ZNF816: variants seen among roughly 807,000 people sequenced by gnomAD.
ZNF816 encodes zinc finger protein 816, also known as zinc finger protein 816A.
In ZNF816, 11 loss-of-function variants were observed where a neutral mutation model predicts 8.3. The ratio of observed to expected loss-of-function variants is 1.32; its 90% confidence interval spans 0.83 to 2.19. ZNF816 has a LOEUF of 2.19. ZNF816 is among the 30% of genes most tolerant of loss of function. The pLI is 0.00. For missense variants in ZNF816, 710 were observed against 779.3 expected (o/e 0.91, Z 1.06); for synonymous variants, 255 against 254.5 (o/e 1.00, Z -0.02).
At position 52,962,861 on chromosome 19, in the gene ZNF816, G is replaced by C. The variant is rs968306852; in HGVS notation, c.-150C>G. On this transcript the variant is annotated 5_prime_UTR_variant, in exon 1 of 4. Coordinates refer to ENST00000444460, the MANE Select transcript of ZNF816 (RefSeq NM_001202457.3). ...CGCCGCCGTGCAACTTTCAGTCCAC[G>C]CCATCCGCTTCCGGGTCTGTGCCAA... The C allele has an allele frequency of 6.5e-6, 1 of 152,734 alleles. No individual in the cohort carries two copies. Among genetic ancestry groups the C allele is most frequent in the African/African-American group, 2.4e-5 (1 of 41,456 alleles). The allele number at this position is 152,734 out of a possible 1,614,324, so 9.5% of individuals were successfully genotyped here. A position where few individuals can be genotyped will look rare whatever the true frequency, so the allele number is the denominator to read the frequency against.
intron 1 of ZNF816, among the ~76,000 whole-genome samples, chr19:52,956,745 C>A (rs370439564): frequency 1.3e-5 from 2 of 152,192 alleles, no homozygotes; most frequent in Non-Finnish European, 2.9e-5. Flanking sequence ...ACCACCACTT[C>A]TCCTGCTGCC....
At chr19:52,952,555 T>C in intron 3 of ZNF816, 196 bp downstream of exon 3, 1 of 1,034,108 alleles carries the variant, frequency 9.7e-7, no homozygotes, top group South Asian at 1.7e-5. Context: ...GAATTTTCTG[T>C]TTTTATGTAA....
Position 52,956,105 on chromosome 19 carries a change from C to T in ZNF816, c.-15-1G>A. On this transcript the variant is annotated splice_acceptor_variant, in intron 1 of 3. Transcript: ENST00000444460. LOFTEE classifies it low-confidence loss of function (5UTR_SPLICE). ...CACGTAACATGAGTCTTTGGAAATC[C>T]TGTATGTTAAAAAAGCAAGAGATTT... is the stretch of plus-strand genomic sequence containing the variant. 6.2e-7 allele frequency: 1 copy of T among 1,600,818 alleles called. No homozygotes were observed. The highest frequency in any genetic ancestry group is 1.4e-5 in the African/African-American group (1 of 73,484).
At chr19:52,954,543 A>C (rs1274429053) in intron 2 of ZNF816, among the ~76,000 whole-genome samples, 1 of 151,676 alleles carries the variant, frequency 6.6e-6, no homozygotes, top group African/African-American at 2.4e-5. Flanking sequence ...AACATTCATC[A>C]GACCGGGAGC....
chr19:52,953,250 A>T, intron 2 of ZNF816: 1 of 263,552 alleles, frequency 3.8e-6, no homozygotes, highest in South Asian at 3.0e-5. Flanking sequence ...AAAAAAAACC[A>T]GGTGTGGTGG....
At chr19:52,959,252 GCTAGA>G (rs1157890698) in intron 1 of ZNF816, among the ~76,000 whole-genome samples, 2 of 152,254 alleles carry the variant, frequency 1.3e-5, no homozygotes, top group African/African-American at 4.8e-5. Flanking sequence ...GCTAATGAAT[GCTAGA>G]CTAAACAAGT....
intron 3 of ZNF816, chr19:52,951,908 A>T (rs2083463825): frequency 2.4e-6 from 1 of 419,460 alleles, no homozygotes. Flanking sequence ...AGAAAAAAAA[A>T]AGAGTTCAGT....
At position 52,950,630 on chromosome 19, in the gene ZNF816, G is replaced by A. The variant is rs142612844; in HGVS notation, c.1145C>T (p.Ser382Leu). The change falls in exon 4 of 4, where the codon TCA becomes TTA. Residue 382 changes from serine to leucine, a missense_variant. By Grantham distance (145) the Ser-to-Leu change is moderately radical. Transcript: ENST00000444460. Reference protein sequence around the residue: ...NECGKTFSQKSSLQCHHILHT... With the variant: ...NECGKTFSQKLSLQCHHILHT... ...AAGTATATGATGGCATTGAAGGGATGATTTCTGACTGAAGGTCTTGCCACA... is the reference window on the plus strand; with the variant it reads ...AAGTATATGATGGCATTGAAGGGATAATTTCTGACTGAAGGTCTTGCCACA... 3.4e-3 allele frequency: 5,520 copies of A among 1,614,144 alleles called. 15 individuals carry two copies. Among genetic ancestry groups the A allele is most frequent in the Non-Finnish European group, 3.7e-3 (4,373 of 1,180,032 alleles).
Position 52,951,155 on chromosome 19 carries a change from T to C in ZNF816, c.620A>G (p.Tyr207Cys), listed in dbSNP as rs755043119. The C allele has an allele frequency of 1.2e-6, 2 of 1,614,184 alleles. No individual in the cohort carries two copies. The highest frequency in any genetic ancestry group is 2.2e-5 in the South Asian group (2 of 91,086). The change falls in exon 4 of 4, where the codon TAT becomes TGT. Residue 207 changes from tyrosine to cysteine, a missense_variant. By Grantham distance (194) the Tyr-to-Cys change is radical. Coordinates refer to ENST00000444460, the MANE Select transcript of ZNF816 (RefSeq NM_001202457.3). ...TGAAGAATGGAGGAAATTCTTCCCA[T>C]ACTTATTAGAAATATGAGTTTTGAG... ...CRLKTHISNK[Y>C]GKNFLHSSFT...
chr19:52,957,016 T>C lies in ZNF816; in HGVS notation c.-15-912A>G, dbSNP rs2083516353. Among the ~76,000 whole-genome samples, 1 of 152,198 alleles carries C rather than the reference T, an allele frequency of 6.6e-6. No individual in the cohort carries two copies. The highest frequency in any genetic ancestry group is 1.5e-5 in the Non-Finnish European group (1 of 68,042). ...TAGTGTCAAGTCACATTCCCCACAC[T>C]TGCTTGATCTATCATGACCCTTTCA... On this transcript the variant is annotated intron_variant, in intron 1 of 3. Transcript: ENST00000444460. The surrounding 1 kb of genome is among the most constrained non-coding windows in gnomAD (Gnocchi z 4.6).
At chr19:52,954,672 A>G (rs2083494104) in intron 2 of ZNF816, among the ~76,000 whole-genome samples, 3 of 152,086 alleles carry the variant, frequency 2.0e-5, no homozygotes, top group Admixed American at 1.3e-4. Context: ...TAATAACACA[A>G]CAATTAGCCA....
At chr19:52,959,101 A>G (rs2122170492) in intron 1 of ZNF816, among the ~76,000 whole-genome samples, 1 of 152,364 alleles carries the variant, frequency 6.6e-6, no homozygotes, top group East Asian at 1.9e-4. Context: ...GGGATTCTAA[A>G]GGTTAGCCCT....
chr19:52,950,651 C>G lies in ZNF816; in HGVS notation c.1124G>C (p.Gly375Ala), dbSNP rs1352811576. The G allele has an allele frequency of 6.2e-7, 1 of 1,613,878 alleles. No homozygotes were observed. Among genetic ancestry groups the G allele is most frequent in the Non-Finnish European group, 8.5e-7 (1 of 1,179,998 alleles). The part of the protein sequence containing the change: ...GEKPYKCNEC[G>A]KTFSQKSSLQ... ...GGATGATTTCTGACTGAAGGTCTTG[C>G]CACACTCATTACACTTGTAAGGTTT... The change falls in exon 4 of 4, where the codon GGC becomes GCC. Residue 375 changes from glycine to alanine, a missense_variant. Gly to Ala is a moderately conservative substitution (Grantham distance 60). Transcript: ENST00000444460.
intron 2 of ZNF816, among the ~76,000 whole-genome samples, chr19:52,954,040 C>CAAAAAAAAAA (rs754620563): frequency 1.1e-5 from 1 of 94,700 alleles, no homozygotes; most frequent in South Asian, 3.6e-4. Flanking sequence ...GACTCTTTCT[C>CAAAAAAAAAA]AAAAAAAAAA....
At chr19:52,956,192 C>T in intron 1 of ZNF816, 88 bp from the exon 2 acceptor site, 2 of 1,442,378 alleles carry the variant, frequency 1.4e-6, no homozygotes, top group Non-Finnish European at 1.9e-6. Context: ...GAAACCTCAC[C>T]CGAGAGAAAG....
At chr19:52,961,939 C>T (rs764475693) in intron 1 of ZNF816, among the ~76,000 whole-genome samples, 1 of 152,120 alleles carries the variant, frequency 6.6e-6, no homozygotes, top group African/African-American at 2.4e-5. Flanking sequence ...TCCTAAAAAC[C>T]TCAGTTATTA....
Position 52,951,077 on chromosome 19 carries a change from T to C in ZNF816, c.698A>G (p.Glu233Gly). The change falls in exon 4 of 4, where the codon GAG becomes GGG. Residue 233 changes from glutamate to glycine, a missense_variant. Coordinates refer to ENST00000444460, the MANE Select transcript of ZNF816 (RefSeq NM_001202457.3). Reference protein sequence around the residue: ...CMREKPCQSNECGKAFNYSSL... With the variant: ...CMREKPCQSNGCGKAFNYSSL... The stretch of plus-strand genomic sequence containing the variant: ...GCTATAATTAAAGGCTTTGCCACAC[T>C]CATTACTTTGGCAAGGTTTTTCTCT... 1 of 1,614,028 alleles carries C rather than the reference T, an allele frequency of 6.2e-7. No homozygotes were observed. Among genetic ancestry groups the C allele is most frequent in the Non-Finnish European group, 8.5e-7 (1 of 1,179,980 alleles).
At chr19:52,953,737 T>TA (rs2083485922) in intron 2 of ZNF816, among the ~76,000 whole-genome samples, 14 of 139,148 alleles carry the variant, frequency 1.0e-4, no homozygotes, top group East Asian at 4.0e-4. Context: ...AATATATATT[T>TA]TATATATATA....
Position 52,961,508 on chromosome 19 carries a change from G to A in ZNF816, c.-16+1219C>T, listed in dbSNP as rs539440568. 2.0e-5 allele frequency among the ~76,000 whole-genome samples: 3 copies of A among 152,278 alleles called. No individual in the cohort carries two copies. The South Asian group carries it at 6.2e-4, about 32-fold the overall frequency. On this transcript the variant is annotated intron_variant, in intron 1 of 3. Transcript: ENST00000444460. ...AGACCCGGTTCACTTTCAAAAAAAA[G>A]AAGCCAACCCCTCCTGTGCTAGCAG...
Sources: gnomAD v4.1 joint callset for allele counts (sites outside exome capture counted in the v4.1 genomes callset) on GRCh38, gnomAD v4.1.1 for gene constraint, Gnocchi (gnomAD v3.1) non-coding constraint, MANE v1.5 for transcripts, NCBI Gene and HGNC (gene_info 2026-07-23, HGNC 2026-07-21) for gene names.